The following NAV1 variants were observed in gnomAD, a reference collection of about 807,000 sequenced individuals.
NAV1 encodes neuron navigator 1, also known as pore membrane and/or filament interacting like protein 3.
In NAV1, 18 loss-of-function variants were observed where a neutral mutation model predicts 175.2. The observed-to-expected ratio is 0.10, with a 90% CI of 0.07 to 0.15. The LOEUF (loss-of-function observed/expected upper bound fraction) is 0.15. NAV1 is among the 10% of genes least tolerant of loss of function. NAV1 has a pLI of 1.00. For synonymous variants in NAV1, 897 were observed against 978.7 expected (o/e 0.92, Z 1.56); for missense variants, 1,731 against 2,436.6 (o/e 0.71, Z 6.10).
At chr1:201,756,809 C>CTTTCTTTCTTTCTTTCTTTCT (rs1491290809) in intron 3 of NAV1, among the ~76,000 whole-genome samples, 2 of 26,940 alleles carry the variant, frequency 7.4e-5, no homozygotes, top group African/African-American at 1.7e-4. Flanking sequence ...TCTTTCTTTC[C>CTTTCTTTCTTTCTTTCTTTCT]TTCTTTCTTT....
chr1:201,779,013 A>T (rs1164822067), intron 3 of NAV1, among the ~76,000 whole-genome samples: 2 of 152,238 alleles, frequency 1.3e-5, no homozygotes, highest in Non-Finnish European at 2.9e-5. Context: ...ACAAATACTC[A>T]TGTATAGCAG....
chr1:201,804,086 C>G, intron 16 of NAV1: 1 of 475,746 alleles, frequency 2.1e-6, no homozygotes. Flanking sequence ...ATGAACAAAG[C>G]TGTTCATTCT....
chr1:201,637,593 C>T (rs770772882), intron 2 of NAV1, among the ~76,000 whole-genome samples: 2 of 152,134 alleles, frequency 1.3e-5, no homozygotes, highest in Non-Finnish European at 2.9e-5. Context: ...TCTCCAAGGT[C>T]CCTCTTAGTG....
chr1:201,574,239 C>G (rs1033386092), intron 1 of NAV1, among the ~76,000 whole-genome samples: 1 of 152,176 alleles, frequency 6.6e-6, no homozygotes, highest in Non-Finnish European at 1.5e-5. Flanking sequence ...TTTCTATAAT[C>G]TAAAGTAGGA....
chr1:201,661,349 AG>A (rs576214315), intron 1 of NAV1, among the ~76,000 whole-genome samples: 68 of 152,298 alleles, frequency 4.5e-4, no homozygotes, highest in African/African-American at 1.6e-3. Flanking sequence ...TGTCTAGTGT[AG>A]GAAGCAGACC....
At chr1:201,756,796 CTTTCTTTCTTTCCTT>C (rs1674491020) in intron 3 of NAV1, among the ~76,000 whole-genome samples, 1 of 48,940 alleles carries the variant, frequency 2.0e-5, no homozygotes, top group African/African-American at 1.2e-4. Context: ...GAGCAATTCT[CTTTCTTTCTTTCCTT>C]CTTTCTTTCT....
At chr1:201,575,252 C>A (rs1381298962) in intron 1 of NAV1, among the ~76,000 whole-genome samples, 1 of 152,168 alleles carries the variant, frequency 6.6e-6, no homozygotes, top group East Asian at 1.9e-4. Flanking sequence ...AGAGATGTGT[C>A]TTCTTCAGGG....
intron 2 of NAV1, among the ~76,000 whole-genome samples, chr1:201,614,807 G>A (rs1667956178): frequency 6.6e-6 from 1 of 152,206 alleles, no homozygotes; most frequent in Non-Finnish European, 1.5e-5. Flanking sequence ...CCATTTACTA[G>A]CTGTGTGATC....
In NAV1 at chr1:201,550,544, G is replaced by C. The variant is rs541906091; in HGVS notation, c.-144+11202G>C. 2.6e-5 allele frequency among the ~76,000 whole-genome samples: 4 copies of C among 152,124 alleles called. No homozygotes were observed. The South Asian group carries it at 6.2e-4, about 24-fold the overall frequency. ...AATAATTTTAAATTGGCTATTTCTT[G>C]GTAACCCTGAACATATGCAGAAATT... is the stretch of plus-strand genomic sequence containing the variant. On this transcript the variant is annotated intron_variant, in intron 1 of 33. Coordinates refer to the NAV1 transcript ENST00000685211.
At chr1:201,569,709 C>T (rs921427710) in intron 1 of NAV1, among the ~76,000 whole-genome samples, 1 of 152,210 alleles carries the variant, frequency 6.6e-6, no homozygotes, top group Non-Finnish European at 1.5e-5. Flanking sequence ...GATCATGGGA[C>T]TGCAGGAGCT....
intron 1 of NAV1, among the ~76,000 whole-genome samples, chr1:201,564,803 G>T (rs908754245): frequency 6.6e-6 from 1 of 152,240 alleles, no homozygotes; most frequent in African/African-American, 2.4e-5. Flanking sequence ...ATCCAGGGGA[G>T]AATCTGTTTC....
chr1:201,629,923 A>T (rs1450662706), intron 2 of NAV1, among the ~76,000 whole-genome samples: 1 of 152,144 alleles, frequency 6.6e-6, no homozygotes, highest in Non-Finnish European at 1.5e-5. Flanking sequence ...ACCACTTTTA[A>T]CAGGCCACTC....
intron 1 of NAV1, among the ~76,000 whole-genome samples, chr1:201,709,636 C>T (rs753445956): frequency 6.6e-6 from 1 of 152,168 alleles, no homozygotes; most frequent in Non-Finnish European, 1.5e-5. Flanking sequence ...AGAAGCAGAG[C>T]GGCATACCCA....
intron 1 of NAV1, among the ~76,000 whole-genome samples, chr1:201,682,041 G>A (rs1257627576): frequency 3.3e-5 from 5 of 151,514 alleles, no homozygotes; most frequent in Admixed American, 2.0e-4. Flanking sequence ...GCTTGAAACC[G>A]GAAGGTGGAG....
chr1:201,594,878 C>T (rs1667309412), intron 2 of NAV1, among the ~76,000 whole-genome samples: 1 of 152,222 alleles, frequency 6.6e-6, no homozygotes, highest in African/African-American at 2.4e-5. Flanking sequence ...TTTAGAGGGT[C>T]AGGCCTGAGA....
At position 201,750,639 on chromosome 1, in the gene NAV1, C is replaced by T. The variant is rs1674047844; in HGVS notation, c.1227-29782C>T. On this transcript the variant is annotated intron_variant, in intron 3 of 29. Coordinates refer to ENST00000367296, the Ensembl canonical transcript of NAV1. This position sits in a 1 kb window ranked among gnomAD's most constrained non-coding sequence, Gnocchi z 4.1. ...CATATTTTTAGTGCTCAAGTCATAGCTTGTATTTACTCATTTTCAACTCTT... is the reference window on the plus strand; with the variant it reads ...CATATTTTTAGTGCTCAAGTCATAGTTTGTATTTACTCATTTTCAACTCTT... Among the ~76,000 whole-genome samples the T allele has an allele frequency of 6.6e-6, 1 of 152,102 alleles. No homozygotes were observed. The highest frequency in any genetic ancestry group is 1.5e-5 in the Non-Finnish European group (1 of 68,022).
intron 3 of NAV1, among the ~76,000 whole-genome samples, chr1:201,734,267 C>T (rs55950997): frequency 0.38 from 57,288 of 151,034 alleles, 11,218 homozygotes; most frequent in Non-Finnish European, 0.42. Flanking sequence ...AATTAGCTGG[C>T]GATGATGGCT....
At chr1:201,615,138 C>G (rs1667965645) in intron 2 of NAV1, among the ~76,000 whole-genome samples, 1 of 152,192 alleles carries the variant, frequency 6.6e-6, no homozygotes, top group Admixed American at 6.5e-5. Context: ...AGCCTCTCAA[C>G]TCACCTGCCA....
intron 12 of NAV1, 27 bp downstream of exon 16, chr1:201,790,604 T>G (rs772506476): frequency 6.2e-7 from 1 of 1,614,158 alleles, no homozygotes; most frequent in African/African-American, 1.3e-5. Flanking sequence ...TTGTCTCTGC[T>G]TGTTAACATC....
Sources: gnomAD v4.1 joint callset for allele counts (sites outside exome capture counted in the v4.1 genomes callset) on GRCh38, gnomAD v4.1.1 for gene constraint, Gnocchi (gnomAD v3.1) non-coding constraint, MANE v1.5 for transcripts, NCBI Gene and HGNC (gene_info 2026-07-23, HGNC 2026-07-21) for gene names.